Variants in NALF1 observed in about 807,000 individuals in gnomAD.
The protein encoded by NALF1 is family with sequence similarity 155 member A.
NALF1 carries 3 observed loss-of-function variants against 48.4 expected under a neutral mutation model. That is an observed-to-expected ratio of 0.06 (90% CI 0.03 to 0.16). The LOEUF is 0.16. Among genes scored for constraint, NALF1 ranks in the 10% least tolerant of loss-of-function variants. NALF1 has a pLI of 1.00. For synonymous variants in NALF1, 262 were observed against 245.7 expected (o/e 1.07, Z -0.62); for missense variants, 526 against 571.5 (o/e 0.92, Z 0.81).
At chr13:107,551,848 G>A (rs1175290674) in intron 1 of NALF1, among the ~76,000 whole-genome samples, 2 of 151,918 alleles carry the variant, frequency 1.3e-5, no homozygotes, top group Non-Finnish European at 2.9e-5. Flanking sequence ...CACTAATCAG[G>A]TCTACTCTGT....
chr13:107,393,399 C>T (rs1312234112), intron 1 of NALF1, among the ~76,000 whole-genome samples: 1 of 152,088 alleles, frequency 6.6e-6, no homozygotes, highest in Non-Finnish European at 1.5e-5. Flanking sequence ...AGATTCTATA[C>T]AATGTTTTCA....
At chr13:107,665,779 G>A (rs1880843595) in intron 1 of NALF1, among the ~76,000 whole-genome samples, 1 of 151,908 alleles carries the variant, frequency 6.6e-6, no homozygotes, top group Non-Finnish European at 1.5e-5. Context: ...AAAAGTTTAT[G>A]AAAAATAAAA....
At chr13:107,859,959 C>T (rs1047088145) in intron 1 of NALF1, among the ~76,000 whole-genome samples, 2 of 146,686 alleles carry the variant, frequency 1.4e-5, no homozygotes, top group Non-Finnish European at 3.0e-5. Flanking sequence ...TAGAGCATTA[C>T]ATTGAAGAAA....
intron 1 of NALF1, among the ~76,000 whole-genome samples, chr13:107,623,901 T>C (rs113524850): frequency 0.022 from 3,356 of 152,268 alleles, 61 homozygotes; most frequent in Non-Finnish European, 0.035. Flanking sequence ...GAAAATGACA[T>C]GCAAAAGCAT....
At chr13:107,696,548 T>TTGAG (rs1211868177) in intron 1 of NALF1, among the ~76,000 whole-genome samples, 1 of 98,586 alleles carries the variant, frequency 1.0e-5, no homozygotes, top group African/African-American at 3.9e-5. Context: ...CATCTCCAAG[T>TTGAG]TGAGTGTGTG....
intron 1 of NALF1, among the ~76,000 whole-genome samples, chr13:107,299,839 T>G (rs1881805677): frequency 6.6e-6 from 1 of 152,178 alleles, no homozygotes; most frequent in South Asian, 2.1e-4. Flanking sequence ...GAATTTCTCC[T>G]GTTCATCTGG....
intron 2 of NALF1, among the ~76,000 whole-genome samples, chr13:107,206,858 AAAGT>A: frequency 6.6e-6 from 1 of 152,246 alleles, no homozygotes; most frequent in East Asian, 1.9e-4. Context: ...GTCAATAAGA[AAAGT>A]AAGTGAAGAA....
At chr13:107,676,115 G>C (rs1158946632) in intron 1 of NALF1, among the ~76,000 whole-genome samples, 1 of 152,170 alleles carries the variant, frequency 6.6e-6, no homozygotes, top group East Asian at 1.9e-4. Context: ...ACTCAAGCCT[G>C]CTCTGAGGAG....
At chr13:107,527,447 G>A (rs1035550257) in intron 1 of NALF1, among the ~76,000 whole-genome samples, 2 of 151,896 alleles carry the variant, frequency 1.3e-5, no homozygotes, top group Non-Finnish European at 2.9e-5. Context: ...ACAGTAAAAC[G>A]TTTTAATTAC....
chr13:107,266,247 G>T (rs1881035946), intron 1 of NALF1, among the ~76,000 whole-genome samples: 1 of 152,160 alleles, frequency 6.6e-6, no homozygotes, highest in Non-Finnish European at 1.5e-5. Flanking sequence ...TTTGGCACAG[G>T]TAAGAAATAC....
chr13:107,273,068 T>A (rs1881208349), intron 1 of NALF1, among the ~76,000 whole-genome samples: 1 of 152,182 alleles, frequency 6.6e-6, no homozygotes, highest in Admixed American at 6.5e-5. Flanking sequence ...GTCTCTCTCC[T>A]TTGAGGCTGG....
Position 107,168,045 on chromosome 13 carries a change from T to G in NALF1, c.*2452A>C, listed in dbSNP as rs1878703156. On this transcript the variant is annotated 3_prime_UTR_variant, in exon 3 of 3. Transcript: ENST00000375915. ...AGTGGAATTTGCACTTGCATTGTCA[T>G]TTTCCTGCAAGAATGGAAACGCCTA... 6.6e-6 allele frequency: 1 copy of G among 152,280 alleles called. No individual in the cohort carries two copies. Among genetic ancestry groups the G allele is most frequent in the Non-Finnish European group, 1.5e-5 (1 of 68,040 alleles). The allele number at this position is 152,280 out of a possible 1,614,324, so 9.4% of individuals were successfully genotyped here.
intron 1 of NALF1, among the ~76,000 whole-genome samples, chr13:107,234,957 T>C (rs1001062438): frequency 6.6e-6 from 1 of 152,118 alleles, no homozygotes; most frequent in African/African-American, 2.4e-5. Context: ...ACAGCTCCCA[T>C]GCCCCACCGC....
intron 1 of NALF1, among the ~76,000 whole-genome samples, chr13:107,558,774 C>G (rs149048261): frequency 6.6e-6 from 1 of 152,146 alleles, no homozygotes; most frequent in Non-Finnish European, 1.5e-5. Context: ...TGACCTGCCT[C>G]GCCCCTGCCT....
At chr13:107,253,747 T>C (rs537090764) in intron 1 of NALF1, among the ~76,000 whole-genome samples, 1 of 152,228 alleles carries the variant, frequency 6.6e-6, no homozygotes, top group African/African-American at 2.4e-5. Context: ...CCAAGCTTGT[T>C]CCTGACTCAG....
At chr13:107,171,508 G>A (rs1331695336) in intron 2 of NALF1, among the ~76,000 whole-genome samples, 2 of 152,170 alleles carry the variant, frequency 1.3e-5, no homozygotes, top group African/African-American at 2.4e-5. Flanking sequence ...GGAATTGTCT[G>A]TCTCTCTCCG....
intron 1 of NALF1, among the ~76,000 whole-genome samples, chr13:107,533,765 G>A (rs1876716381): frequency 1.3e-5 from 2 of 152,034 alleles, no homozygotes; most frequent in Admixed American, 1.3e-4. Flanking sequence ...TTTTGTTGAG[G>A]GTCTGTGATG....
In NALF1 at chr13:107,635,890, T is replaced by C. The variant is rs574433703; in HGVS notation, c.915+229792A>G. ...TTTGCAAGTATAATTTGGTCTTCTA[T>C]AGCTTATTCAGTTATTAAATCCTAA... On this transcript the variant is annotated intron_variant, in intron 1 of 2. Coordinates refer to ENST00000375915, the MANE Select transcript of NALF1 (RefSeq NM_001080396.3). Among the ~76,000 whole-genome samples, 4 of 152,264 alleles carry C rather than the reference T, an allele frequency of 2.6e-5. No individual in the cohort carries two copies. In the East Asian group the frequency reaches 5.8e-4, roughly 22 times the overall value.
At chr13:107,841,776 A>G (rs1001998986) in intron 1 of NALF1, among the ~76,000 whole-genome samples, 1 of 152,016 alleles carries the variant, frequency 6.6e-6, no homozygotes, top group African/African-American at 2.4e-5. Context: ...TAAGTTATGA[A>G]AAAGAAGTCA....
Sources: gnomAD v4.1 joint callset for allele counts (sites outside exome capture counted in the v4.1 genomes callset) on GRCh38, gnomAD v4.1.1 for gene constraint, MANE v1.5 for transcripts, NCBI Gene and HGNC (gene_info 2026-07-23, HGNC 2026-07-21) for gene names.